The following NAALADL2 variants were observed in gnomAD, a reference collection of about 807,000 sequenced individuals.
NAALADL2 encodes N-acetylated alpha-linked acidic dipeptidase like 2.
NAALADL2 carries 76 observed loss-of-function variants against 87.2 expected under a neutral mutation model. That is an observed-to-expected ratio of 0.87 (90% CI 0.72 to 1.05). The LOEUF (loss-of-function observed/expected upper bound fraction) is 1.05. Ranked by LOEUF, NAALADL2 falls within the 50% of genes least tolerant of loss-of-function variation. The pLI, the probability that NAALADL2 is intolerant of heterozygous loss-of-function variation, is 0.00. For missense variants in NAALADL2, 1,089 were observed against 945.8 expected, an observed-to-expected ratio of 1.15 and a Z score of -1.99; for synonymous variants, 354 against 331.0, an observed-to-expected ratio of 1.07 and a Z score of -0.75.
At chr3:175,181,466 C>T (rs181424439) in intron 2 of NAALADL2, among the ~76,000 whole-genome samples, 1 of 151,494 alleles carries the variant, frequency 6.6e-6, no homozygotes, top group African/African-American at 2.4e-5. Context: ...CGACATCTCC[C>T]AATTCTTCCC....
chr3:175,300,793 T>TTTA (rs1416859180), intron 4 of NAALADL2, among the ~76,000 whole-genome samples: 14 of 143,808 alleles, frequency 9.7e-5, no homozygotes, highest in African/African-American at 3.0e-4. Context: ...ATTTATTTTA[T>TTTA]TTTATTTTAT....
chr3:174,940,702 G>A (rs1035752291), intron 1 of NAALADL2, among the ~76,000 whole-genome samples: 23 of 151,860 alleles, frequency 1.5e-4, no homozygotes, highest in Admixed American at 6.6e-5. Flanking sequence ...GCTCATTATC[G>A]GTCTGATCAG....
intron 9 of NAALADL2, among the ~76,000 whole-genome samples, chr3:175,496,479 C>G (rs182860592): frequency 2.6e-5 from 4 of 151,948 alleles, no homozygotes; most frequent in Non-Finnish European, 5.9e-5. Flanking sequence ...CCTGGCAAAC[C>G]AGATGCACAC....
At chr3:175,167,898 A>G (rs1242484107) in intron 2 of NAALADL2, among the ~76,000 whole-genome samples, 1 of 151,940 alleles carries the variant, frequency 6.6e-6, no homozygotes, top group Non-Finnish European at 1.5e-5. Flanking sequence ...TGGAAATTAG[A>G]TATATATTTT....
chr3:174,887,352 T>A (rs1434697344), intron 1 of NAALADL2, among the ~76,000 whole-genome samples: 1 of 152,122 alleles, frequency 6.6e-6, no homozygotes, highest in African/African-American at 2.4e-5. Flanking sequence ...AAAGAGATTA[T>A]ATGTTTATTA....
At chr3:175,310,379 A>G (rs754032692) in intron 4 of NAALADL2, among the ~76,000 whole-genome samples, 18 of 151,880 alleles carry the variant, frequency 1.2e-4, no homozygotes, top group Non-Finnish European at 2.5e-4. Context: ...TTAGTATTTC[A>G]GTTATAAAGA....
chr3:174,707,498 G>A (rs1273949797), intron 2 of NAALADL2, among the ~76,000 whole-genome samples: 4 of 152,026 alleles, frequency 2.6e-5, no homozygotes, highest in South Asian at 4.2e-4. Flanking sequence ...CCTTTGTAGC[G>A]ACATGGATGA....
intron 2 of NAALADL2, among the ~76,000 whole-genome samples, chr3:175,143,367 A>G (rs374499207): frequency 2.0e-5 from 3 of 152,014 alleles, no homozygotes; most frequent in Non-Finnish European, 2.9e-5. Flanking sequence ...CTGAAAACCA[A>G]TTCTGTCCTC....
chr3:174,809,451 A>G (rs138482825), intron 3 of NAALADL2, among the ~76,000 whole-genome samples: 80 of 152,308 alleles, frequency 5.3e-4, no homozygotes, highest in African/African-American at 1.8e-3. Flanking sequence ...GATTTTACCA[A>G]TTTCACTTTG....
At position 175,564,982 on chromosome 3, in the gene NAALADL2, G is replaced by A. The variant is rs145301861; in HGVS notation, c.1654-11059G>A. Among the ~76,000 whole-genome samples the A allele has an allele frequency of 4.6e-3, 707 of 152,318 alleles. 7 individuals carry two copies. Among genetic ancestry groups the A allele is most frequent in the African/African-American group, 0.016 (684 of 41,584 alleles). ...CCAATGTGGCAAAGGAATCCATGGA[G>A]TCTTTTAATCTAATAAATTATTTTA... On this transcript the variant is annotated intron_variant, in intron 9 of 13. Transcript: ENST00000454872.
At chr3:175,303,298 A>G (rs1280492994) in intron 4 of NAALADL2, among the ~76,000 whole-genome samples, 2 of 152,172 alleles carry the variant, frequency 1.3e-5, no homozygotes, top group East Asian at 3.9e-4. Flanking sequence ...ATAAGGATAT[A>G]GACAGATATT....
intron 1 of NAALADL2, among the ~76,000 whole-genome samples, chr3:174,468,219 C>G (rs183567683): frequency 1.3e-5 from 2 of 152,214 alleles, no homozygotes; most frequent in South Asian, 4.1e-4. Context: ...CTGGATATTA[C>G]TAGCCTAGAG....
intron 1 of NAALADL2, among the ~76,000 whole-genome samples, chr3:175,030,916 T>C (rs1297396257): frequency 1.3e-5 from 2 of 152,016 alleles, no homozygotes; most frequent in East Asian, 3.9e-4. Context: ...TTGCAGATAC[T>C]ACTTTTTTAA....
chr3:174,957,619 T>G (rs1741345778), intron 1 of NAALADL2, among the ~76,000 whole-genome samples: 1 of 151,866 alleles, frequency 6.6e-6, no homozygotes, highest in African/African-American at 2.4e-5. Flanking sequence ...TTTTTTGTAG[T>G]TGTTGATTTC....
intron 11 of NAALADL2, among the ~76,000 whole-genome samples, chr3:175,651,291 C>G (rs1288211941): frequency 6.6e-6 from 1 of 152,022 alleles, no homozygotes; most frequent in Non-Finnish European, 1.5e-5. Flanking sequence ...ATCAAAATAA[C>G]TTTTCAAGGG....
intron 9 of NAALADL2, among the ~76,000 whole-genome samples, chr3:175,472,595 A>G (rs1234524705): frequency 1.4e-5 from 2 of 143,890 alleles, no homozygotes; most frequent in African/African-American, 5.9e-5. Context: ...CTAGACAAAG[A>G]GAGAGGCAAT....
At chr3:175,404,450 A>G (rs979008887) in intron 5 of NAALADL2, among the ~76,000 whole-genome samples, 1 of 152,170 alleles carries the variant, frequency 6.6e-6, no homozygotes, top group Non-Finnish European at 1.5e-5. Flanking sequence ...CTTCTGAAGG[A>G]AGATCAGTTG....
At chr3:175,462,311 C>T (rs537876468) in intron 6 of NAALADL2, among the ~76,000 whole-genome samples, 4 of 152,254 alleles carry the variant, frequency 2.6e-5, no homozygotes, top group Non-Finnish European at 5.9e-5. Flanking sequence ...GCACAATGCT[C>T]AGACTCTACG....
At chr3:174,534,706 G>A (rs892480519) in intron 1 of NAALADL2, among the ~76,000 whole-genome samples, 10 of 152,128 alleles carry the variant, frequency 6.6e-5, no homozygotes, top group Non-Finnish European at 1.5e-4. Flanking sequence ...AAGTAATGGC[G>A]CCATTATGTT....
Sources: allele counts gnomAD v4.1 joint callset (sites outside exome capture counted in the v4.1 genomes callset), GRCh38; gene constraint gnomAD v4.1.1; transcripts MANE v1.5; gene names NCBI Gene and HGNC (gene_info 2026-07-23, HGNC 2026-07-21).